F13A1: variants seen among roughly 807,000 people sequenced by gnomAD.
F13A1 encodes FSF, A subunit.
A neutral mutation model predicts 80.1 loss-of-function variants in F13A1; 47 were observed. That is an observed-to-expected ratio of 0.59 (90% CI 0.46 to 0.75). F13A1 has a LOEUF of 0.75. F13A1 is among the 30% of genes least tolerant of loss of function. The pLI is 0.00. For missense variants in F13A1, 817 were observed against 930.4 expected (o/e 0.88, Z 1.59); for synonymous variants, 349 against 344.9 (o/e 1.01, Z -0.13).
intron 2 of F13A1, among the ~76,000 whole-genome samples, chr6:6,314,814 T>A (rs1319434167): frequency 6.6e-6 from 1 of 152,232 alleles, no homozygotes; most frequent in Non-Finnish European, 1.5e-5. Flanking sequence ...TTCCAGGAAC[T>A]GAATGAAAGG....
intron 8 of F13A1, among the ~76,000 whole-genome samples, chr6:6,219,383 C>T (rs1480780188): frequency 6.6e-6 from 1 of 151,528 alleles, no homozygotes; most frequent in East Asian, 1.9e-4. Context: ...CTGCTTCTTA[C>T]CAGTGACCAA....
intron 10 of F13A1, among the ~76,000 whole-genome samples, chr6:6,184,447 C>A (rs549874146): frequency 6.6e-6 from 1 of 152,264 alleles, no homozygotes; most frequent in East Asian, 1.9e-4. Flanking sequence ...AGCAGAGCAG[C>A]CAGAACTCAG....
intron 12 of F13A1, among the ~76,000 whole-genome samples, chr6:6,172,634 A>G (rs1760797078): frequency 6.6e-6 from 1 of 151,750 alleles, no homozygotes. Context: ...TTTAGTAGAG[A>G]TGAGCTTTCA....
At chr6:6,173,102 A>G (rs780160068) in intron 12 of F13A1, among the ~76,000 whole-genome samples, 1 of 152,168 alleles carries the variant, frequency 6.6e-6, no homozygotes, top group Admixed American at 6.5e-5. Flanking sequence ...GCTCTAACTC[A>G]TTCTCTGCCT....
rs568999518 is a variant in F13A1 at position 6,208,676 on chromosome 6, C to A, written c.1113-11350G>T. Among the ~76,000 whole-genome samples, 11 of 151,978 alleles carry A rather than the reference C, an allele frequency of 7.2e-5. No individual in the cohort carries two copies. The East Asian group carries it at 1.2e-3, about 16-fold the overall frequency. ...CTTTTTTTCTTTTTCAAATCTCAGACCTGAGTGAAACAAAGAATCTTTAAG... is the reference window on the plus strand; with the variant it reads ...CTTTTTTTCTTTTTCAAATCTCAGAACTGAGTGAAACAAAGAATCTTTAAG... On this transcript the variant is annotated intron_variant, in intron 8 of 14. Coordinates refer to ENST00000264870, the MANE Select transcript of F13A1 (RefSeq NM_000129.4).
chr6:6,212,247 C>T (rs891320283), intron 8 of F13A1, among the ~76,000 whole-genome samples: 6 of 152,238 alleles, frequency 3.9e-5, no homozygotes, highest in African/African-American at 1.4e-4. Context: ...AACAAAAAGA[C>T]AGCAGTAACC....
At chr6:6,171,145 C>T (rs1449949857) in intron 12 of F13A1, among the ~76,000 whole-genome samples, 1 of 152,148 alleles carries the variant, frequency 6.6e-6, no homozygotes, top group South Asian at 2.1e-4. Flanking sequence ...AAAGGGCTGG[C>T]ATTTGGTTCT....
At position 6,305,498 on chromosome 6, in the gene F13A1, A is replaced by T. The variant is rs754004931; in HGVS notation, c.172T>A (p.Trp58Arg). ...TGGTGGTCCACCTTGTTAGTGTCCC[A>T]TCTCTCCTTGAACAGGTGAACGCTC... ...VTSVHLFKER[W>R]DTNKVDHHTD... The change falls in exon 3 of 15, where the codon TGG (tryptophan) becomes AGG (arginine). Residue 58 changes from tryptophan (W) to arginine (R), a missense_variant. Coordinates refer to ENST00000264870, the MANE Select transcript of F13A1 (RefSeq NM_000129.4). 2.5e-5 allele frequency: 40 copies of T among 1,614,126 alleles called. 1 individual carries two copies. In the South Asian group the frequency reaches 3.8e-4, roughly 16 times the overall value.
intron 3 of F13A1, among the ~76,000 whole-genome samples, chr6:6,292,446 A>G (rs1250265853): frequency 6.6e-6 from 1 of 152,120 alleles, no homozygotes; most frequent in Non-Finnish European, 1.5e-5. Flanking sequence ...ACTCCTGTCC[A>G]TGTCTACAAC....
intron 8 of F13A1, among the ~76,000 whole-genome samples, chr6:6,219,255 C>T (rs1401481266): frequency 6.6e-6 from 1 of 152,002 alleles, no homozygotes; most frequent in East Asian, 1.9e-4. Context: ...CCGCACTGAC[C>T]TCACAGAGGT....
intron 8 of F13A1, among the ~76,000 whole-genome samples, chr6:6,221,146 C>G (rs575766416): frequency 8.8e-4 from 134 of 152,308 alleles, no homozygotes; most frequent in Non-Finnish European, 1.6e-3. Context: ...GGAACTTATG[C>G]CCCAATTTCC....
At chr6:6,208,924 T>A (rs1263792423) in intron 8 of F13A1, among the ~76,000 whole-genome samples, 2 of 152,152 alleles carry the variant, frequency 1.3e-5, no homozygotes, top group Non-Finnish European at 2.9e-5. Flanking sequence ...TGACCTTGGA[T>A]CAAGTTATGG....
intron 8 of F13A1, chr6:6,206,380 AACCAGAACATGATTCCATTG>A: frequency 2.3e-6 from 1 of 437,860 alleles, no homozygotes; most frequent in South Asian, 1.7e-5. Context: ...AATTATGATT[AACCAGAACATGATTCCATTG>A]CCATATGGAG....
At chr6:6,270,229 G>A (rs755588791) in intron 3 of F13A1, among the ~76,000 whole-genome samples, 3 of 152,112 alleles carry the variant, frequency 2.0e-5, no homozygotes, top group Non-Finnish European at 2.9e-5. Flanking sequence ...TTTAAGGAGC[G>A]ATTTATTACA....
intron 4 of F13A1, among the ~76,000 whole-genome samples, chr6:6,256,816 G>C (rs772120039): frequency 2.6e-5 from 4 of 151,758 alleles, no homozygotes; most frequent in Non-Finnish European, 5.9e-5. Flanking sequence ...CATTCCTTCT[G>C]CTTATTTACA....
chr6:6,305,265 A>C, intron 3 of F13A1, 86 bp downstream of exon 3: 11 of 1,435,874 alleles, frequency 7.7e-6, no homozygotes, highest in Non-Finnish European at 1.1e-5. Context: ...ATATGACACT[A>C]GGAAATCACA....
At chr6:6,277,955 C>T (rs1758010840) in intron 3 of F13A1, among the ~76,000 whole-genome samples, 1 of 152,182 alleles carries the variant, frequency 6.6e-6, no homozygotes, top group Non-Finnish European at 1.5e-5. Flanking sequence ...TTGAAGTGCC[C>T]ACCTTTCAGC....
chr6:6,280,359 G>A (rs139768990), intron 3 of F13A1, among the ~76,000 whole-genome samples: 23 of 152,302 alleles, frequency 1.5e-4, no homozygotes, highest in African/African-American at 2.6e-4. Context: ...GTAGTAGACC[G>A]TGGGGGAAGT....
At chr6:6,312,925 T>C (rs530051148) in intron 2 of F13A1, among the ~76,000 whole-genome samples, 3 of 152,116 alleles carry the variant, frequency 2.0e-5, no homozygotes, top group Non-Finnish European at 4.4e-5. Flanking sequence ...ATTTATTTCA[T>C]TGCCCATGAG....
Sources: allele counts gnomAD v4.1 joint callset (sites outside exome capture counted in the v4.1 genomes callset), GRCh38; gene constraint gnomAD v4.1.1; transcripts MANE v1.5; gene names NCBI Gene and HGNC (gene_info 2026-07-23, HGNC 2026-07-21).